The following IGF2BP3 variants were observed in gnomAD, a reference collection of about 807,000 sequenced individuals.
The protein encoded by IGF2BP3 is insulin like growth factor 2 mRNA binding protein 3.
Under a neutral mutation model 73.8 loss-of-function variants are expected in IGF2BP3, and 9 were observed. The ratio of observed to expected loss-of-function variants is 0.12; its 90% CI spans 0.07 to 0.21. The LOEUF is 0.21. Among genes scored for constraint, IGF2BP3 ranks in the 10% least tolerant of loss-of-function variants. The probability of loss-of-function intolerance (pLI) is 1.00; values close to 1 mark genes in which losing one functional copy is unlikely to be tolerated. For missense variants in IGF2BP3, 542 were observed against 714.0 expected (o/e 0.76, Z 2.75); for synonymous variants, 258 against 256.7 (o/e 1.01, Z -0.05).
chr7:23,443,769 G>T (rs1180402076), intron 2 of IGF2BP3, among the ~76,000 whole-genome samples: 1 of 152,090 alleles, frequency 6.6e-6, no homozygotes, highest in Non-Finnish European at 1.5e-5. Context: ...CAGCACTTTG[G>T]GAGGCCAAGG....
intron 2 of IGF2BP3, chr7:23,467,707 G>A (rs1203096064): frequency 2.0e-5 from 3 of 152,262 alleles, no homozygotes; most frequent in Non-Finnish European, 4.4e-5. Flanking sequence ...AAAGAGCCAT[G>A]TCTCCAAAAT....
At position 23,372,284 on chromosome 7, in the gene IGF2BP3, A is replaced by G. The variant is rs1343663406; in HGVS notation, c.286-10543T>C. 3.3e-5 allele frequency among the ~76,000 whole-genome samples: 5 copies of G among 152,218 alleles called. No homozygotes were observed. In the East Asian group the frequency reaches 9.7e-4, roughly 30 times the overall value. ...GAGATGGGGTTTCACTATGTTGGCC[A>G]GGCTGGCCTCAAACTCCTGACCTCG... On this transcript the variant is annotated intron_variant, in intron 3 of 14. Transcript: ENST00000258729.
intron 2 of IGF2BP3, among the ~76,000 whole-genome samples, chr7:23,430,274 G>A (rs1041280325): frequency 2.6e-5 from 4 of 152,180 alleles, no homozygotes; most frequent in Non-Finnish European, 4.4e-5. Flanking sequence ...TAGTAGAGAC[G>A]GGGTTTCACC....
intron 3 of IGF2BP3, among the ~76,000 whole-genome samples, chr7:23,362,359 G>A (rs1197466581): frequency 6.6e-6 from 1 of 152,126 alleles, no homozygotes; most frequent in Non-Finnish European, 1.5e-5. Context: ...AAAACAGATT[G>A]CTCAAGGCAG....
intron 10 of IGF2BP3, 113 bp downstream of exon 10, chr7:23,341,951 A>G (rs528354354): frequency 7.4e-6 from 9 of 1,210,308 alleles, no homozygotes; most frequent in Non-Finnish European, 9.9e-6. Context: ...AGAAGGCTCC[A>G]TTAGCAAGAA....
Position 23,325,773 on chromosome 7 carries a change from G to A in IGF2BP3, c.1204-6519C>T, listed in dbSNP as rs553147324. Among the ~76,000 whole-genome samples, 16 of 152,190 alleles carry A rather than the reference G, an allele frequency of 1.1e-4. No individual in the cohort carries two copies. The East Asian group carries it at 1.5e-3, about 15-fold the overall frequency. ...GAACAGAGCCCTCAGAAATAACACC[G>A]CGTATCTACAACTATCTAATCTTTG... is the stretch of plus-strand genomic sequence containing the variant. On this transcript the variant is annotated intron_variant, in intron 10 of 14. Transcript: ENST00000258729.
At chr7:23,354,682 A>C (rs1202389281) in intron 5 of IGF2BP3, among the ~76,000 whole-genome samples, 1 of 152,248 alleles carries the variant, frequency 6.6e-6, no homozygotes, top group Non-Finnish European at 1.5e-5. Context: ...GCTGCTTTAA[A>C]AAGATTTTTC....
chr7:23,363,799 A>T (rs1445975615), intron 3 of IGF2BP3, among the ~76,000 whole-genome samples: 2 of 152,274 alleles, frequency 1.3e-5, no homozygotes, highest in Non-Finnish European at 2.9e-5. Context: ...TTATAGGAAG[A>T]GTACTCTGTA....
At chr7:23,361,484 T>C (rs1240622059) in intron 5 of IGF2BP3, 50 bp downstream of exon 5, 2 of 1,461,436 alleles carry the variant, frequency 1.4e-6, no homozygotes, top group African/African-American at 2.8e-5. Flanking sequence ...AATATGTTAC[T>C]GTACTTAACT....
chr7:23,345,369 TTC>T (rs1440921712), intron 8 of IGF2BP3, among the ~76,000 whole-genome samples: 6 of 152,208 alleles, frequency 3.9e-5, no homozygotes, highest in Admixed American at 6.5e-5. Context: ...AGAGTATAAC[TTC>T]TGAGGCTATG....
chr7:23,334,766 G>A (rs1469965532), intron 10 of IGF2BP3, among the ~76,000 whole-genome samples: 2 of 152,222 alleles, frequency 1.3e-5, no homozygotes, highest in African/African-American at 4.8e-5. Context: ...CATAACTGGT[G>A]AAGTCTGCCA....
intron 2 of IGF2BP3, among the ~76,000 whole-genome samples, chr7:23,463,049 T>C (rs1788486705): frequency 6.6e-6 from 1 of 152,224 alleles, no homozygotes; most frequent in Admixed American, 6.5e-5. Context: ...CTTATGACTC[T>C]GGAAGCTTGA....
At chr7:23,340,526 A>C (rs966991841) in intron 10 of IGF2BP3, among the ~76,000 whole-genome samples, 4 of 152,192 alleles carry the variant, frequency 2.6e-5, no homozygotes, top group African/African-American at 9.7e-5. Context: ...AATACAGTGG[A>C]ATCACCAACC....
intron 7 of IGF2BP3, among the ~76,000 whole-genome samples, chr7:23,346,387 C>A (rs1227752708): frequency 3.3e-5 from 5 of 152,094 alleles, no homozygotes; most frequent in African/African-American, 1.2e-4. Context: ...CAGTACCATC[C>A]AGTACAAATA....
intron 9 of IGF2BP3, 21 bp from the exon 10 acceptor site, chr7:23,342,210 C>T (rs769380240): frequency 4.3e-6 from 7 of 1,612,296 alleles, no homozygotes; most frequent in Non-Finnish European, 5.1e-6. Flanking sequence ...AAAAAGGCCC[C>T]TTAATTTGAC....
chr7:23,394,085 G>A (rs939376224), intron 3 of IGF2BP3, among the ~76,000 whole-genome samples: 15 of 152,052 alleles, frequency 9.9e-5, no homozygotes, highest in East Asian at 5.8e-4. Context: ...AAAATTATTA[G>A]TGTTATAGGT....
intron 6 of IGF2BP3, 71 bp downstream of exon 6, chr7:23,351,234 G>C (rs561163825): frequency 3.8e-6 from 6 of 1,558,680 alleles, no homozygotes; most frequent in Middle Eastern, 3.4e-4. Context: ...CCAAGTACCA[G>C]AACGACACAC....
In IGF2BP3 at chr7:23,312,092, G is replaced by A; in HGVS notation, c.*270C>T. ...TACTGTGAGACTACAACAAAGGGAA[G>A]TGCAGAGCTCTTCTCTTTCCCTCCC... On this transcript the variant is annotated 3_prime_UTR_variant, in exon 15 of 15. Coordinates refer to ENST00000258729, the MANE Select transcript of IGF2BP3 (RefSeq NM_006547.3). 1 of 446,538 alleles carries A rather than the reference G, an allele frequency of 2.2e-6. No homozygotes were observed. Among genetic ancestry groups the A allele is most frequent in the Non-Finnish European group, 4.0e-6 (1 of 251,240 alleles). 27.7% of individuals were successfully genotyped at this position (446,538 alleles called of 1,614,324 possible).
intron 2 of IGF2BP3, among the ~76,000 whole-genome samples, chr7:23,443,102 ATTTTTTTTT>A (rs34674050): frequency 1.6e-4 from 14 of 85,842 alleles, no homozygotes; most frequent in Middle Eastern, 8.2e-3. Context: ...CATTACAGTG[ATTTTTTTTT>A]TTTTTTTTTT....
Sources: allele counts gnomAD v4.1 joint callset (sites outside exome capture counted in the v4.1 genomes callset), GRCh38; gene constraint gnomAD v4.1.1; transcripts MANE v1.5; gene names NCBI Gene and HGNC (gene_info 2026-07-23, HGNC 2026-07-21).